PURG: variants seen among roughly 807,000 people sequenced by gnomAD.
PURG encodes the protein purine rich element binding protein G, also known as purine-rich element-binding protein gamma.
PURG carries 3 observed loss-of-function variants against 24.3 expected under a neutral mutation model. The ratio of observed to expected loss-of-function variants is 0.12; its 90% CI spans 0.06 to 0.32. The LOEUF is 0.32. Among genes scored for constraint, PURG ranks in the 10% least tolerant of loss-of-function variants. The pLI, the probability that PURG is intolerant of heterozygous loss-of-function variation, is 1.00. For missense variants in PURG, 371 were observed against 439.1 expected, an observed-to-expected ratio of 0.84 and a Z score of 1.39; for synonymous variants, 180 against 173.1, an observed-to-expected ratio of 1.04 and a Z score of -0.31.
At chr8:31,021,825 G>A (rs564654922) in intron 1 of PURG, among the ~76,000 whole-genome samples, 2 of 152,160 alleles carry the variant, frequency 1.3e-5, no homozygotes, top group South Asian at 4.1e-4. Context: ...GCTATAAGGG[G>A]CCCAGCTATG....
At chr8:31,011,800 G>A (rs1015651375) in intron 1 of PURG, among the ~76,000 whole-genome samples, 1 of 152,060 alleles carries the variant, frequency 6.6e-6, no homozygotes, top group Non-Finnish European at 1.5e-5. Flanking sequence ...CACAGAACCT[G>A]GCAAAAAGTA....
downstream of PURG, among the ~76,000 whole-genome samples, chr8:31,027,189 G>C (rs944153662): frequency 4.0e-5 from 6 of 151,562 alleles, no homozygotes. Context: ...TTTTCAGGCC[G>C]TGATAAATAT....
intron 1 of PURG, among the ~76,000 whole-genome samples, chr8:31,019,460 A>G (rs987306968): frequency 6.7e-6 from 1 of 148,278 alleles, no homozygotes; most frequent in Non-Finnish European, 1.5e-5. Context: ...CAGCCTTCCA[A>G]GTTGCTGGGA....
chr8:31,001,525 G>A (rs2129772417), intron 1 of PURG, among the ~76,000 whole-genome samples: 1 of 152,306 alleles, frequency 6.6e-6, no homozygotes, highest in African/African-American at 2.4e-5. Flanking sequence ...TGTCCATGTT[G>A]TGAGTACCCG....
At chr8:31,004,768 A>G (rs1312973808) in intron 1 of PURG, among the ~76,000 whole-genome samples, 17 of 152,238 alleles carry the variant, frequency 1.1e-4, no homozygotes. Flanking sequence ...GGAAACAGTC[A>G]TAGGTTTACG....
At chr8:31,019,319 C>T in intron 1 of PURG, among the ~76,000 whole-genome samples, 2 of 139,912 alleles carry the variant, frequency 1.4e-5, no homozygotes, top group Admixed American at 7.3e-5. Flanking sequence ...TCAGGTGAAA[C>T]ACCTCTAATT....
intron 1 of PURG, among the ~76,000 whole-genome samples, chr8:30,997,850 A>G (rs1377549417): frequency 6.6e-6 from 1 of 151,764 alleles, no homozygotes; most frequent in African/African-American, 2.4e-5. Flanking sequence ...ATCAAGCACT[A>G]ATTTTCTGAA....
chr8:31,025,774 T>TA (rs1014282940), intron 1 of PURG, among the ~76,000 whole-genome samples: 3 of 151,960 alleles, frequency 2.0e-5, no homozygotes, highest in Non-Finnish European at 4.4e-5. Flanking sequence ...CAGCTTTGTT[T>TA]ATGTTTATAG....
At chr8:31,012,594 CTAACTT>C (rs1231689460) in intron 1 of PURG, among the ~76,000 whole-genome samples, 2 of 152,160 alleles carry the variant, frequency 1.3e-5, no homozygotes, top group East Asian at 1.9e-4. Flanking sequence ...AAAGTAGAAA[CTAACTT>C]TAAGAGAAGT....
At position 31,031,779 on chromosome 8, in the gene PURG, C is replaced by A; in HGVS notation, c.1004G>T (p.Gly335Val). 4 of 1,552,290 alleles carry A rather than the reference C, an allele frequency of 2.6e-6. No homozygotes were observed. Among genetic ancestry groups the A allele is most frequent in the Non-Finnish European group, 3.5e-6 (4 of 1,147,234 alleles). ...TTGTTCTTCACCACTGGCCTTTCTG[C>A]CATCCATTCTCTTTTCTTTATGGCT... ...CNSHKEKRMD[G>V]RKASGEEQEC... The change falls in exon 2 of 2, where the codon GGC (glycine) becomes GTC (valine). Residue 335 changes from glycine to valine, a missense_variant. Coordinates refer to ENST00000523392, the MANE Select transcript of PURG (RefSeq NM_001323311.2).
chr8:31,018,909 C>T (rs541992472), intron 1 of PURG, among the ~76,000 whole-genome samples: 3 of 150,774 alleles, frequency 2.0e-5, no homozygotes, highest in Admixed American at 6.6e-5. Context: ...GGGCGGATCA[C>T]GAGGTCAGGA....
chr8:31,021,438 T>C (rs1411911043), intron 1 of PURG, among the ~76,000 whole-genome samples: 1 of 152,188 alleles, frequency 6.6e-6, no homozygotes, highest in African/African-American at 2.4e-5. Flanking sequence ...AGAGGTTTTA[T>C]CTGTAAACTA....
At chr8:31,016,577 GAACCAAAAAAAAAAAA>G (rs1439699320) in intron 1 of PURG, among the ~76,000 whole-genome samples, 3 of 37,330 alleles carry the variant, frequency 8.0e-5, no homozygotes, top group East Asian at 6.9e-4. Context: ...AGTCTACCAA[GAACCAAAAAAAAAAAA>G]AAAAAAAAAA....
rs760083519 is a variant in PURG, at chr8:31,032,276, A to C, written c.507T>G (p.Ser169Arg). The C allele has an allele frequency of 6.2e-7, 1 of 1,613,780 alleles. No homozygotes were observed. Among genetic ancestry groups the C allele is most frequent in the South Asian group, 1.1e-5 (1 of 91,070 alleles). The stretch of plus-strand genomic sequence containing the variant: ...TCTCGATATAGTCTGTTTTCAGGAC[A>C]CTGTGAGGATGCTCTTCGGACCCCA... ...VSVGSEEHPH[S>R]VLKTDYIERD... Residue 169 changes from serine (S) to arginine (R), a missense_variant, in exon 2 of 2, where the codon AGT becomes AGG. Ser to Arg is a moderately radical substitution (Grantham distance 110). This residue lies in a region of PURG where 213 missense variants were observed against 230.6 expected (regional missense o/e 0.92). Coordinates refer to ENST00000523392, the MANE Select transcript of PURG (RefSeq NM_001323311.2). This position sits in a 1 kb window ranked among gnomAD's most constrained non-coding sequence, Gnocchi z 5.9.
chr8:31,003,887 C>T (rs1188441959), intron 1 of PURG, among the ~76,000 whole-genome samples: 1 of 152,188 alleles, frequency 6.6e-6, no homozygotes, highest in African/African-American at 2.4e-5. Flanking sequence ...CTCCTTATTT[C>T]AGTCTTGAAG....
intron 1 of PURG, among the ~76,000 whole-genome samples, chr8:31,005,872 C>T (rs542513513): frequency 1.3e-5 from 2 of 150,560 alleles, no homozygotes; most frequent in Non-Finnish European, 2.9e-5. Context: ...ATGGAGGACA[C>T]GGGTTTTATA....
chr8:31,020,164 T>C (rs1308722380), intron 1 of PURG, among the ~76,000 whole-genome samples: 1 of 152,152 alleles, frequency 6.6e-6, no homozygotes, highest in Non-Finnish European at 1.5e-5. Flanking sequence ...CTCCATTCTA[T>C]ACGTACAGAG....
At chr8:31,027,895 T>C (rs1811119577), downstream of PURG, among the ~76,000 whole-genome samples, 1 of 151,800 alleles carries the variant, frequency 6.6e-6, no homozygotes, top group Admixed American at 6.6e-5. Context: ...AGATATCATA[T>C]TTGTGTTAGT....
chr8:31,001,261 A>G (rs1465228765), intron 1 of PURG, among the ~76,000 whole-genome samples: 1 of 152,238 alleles, frequency 6.6e-6, no homozygotes, highest in Non-Finnish European at 1.5e-5. Flanking sequence ...TAATAGTCCT[A>G]TATCGTTGAC....
Sources: allele counts gnomAD v4.1 joint callset (sites outside exome capture counted in the v4.1 genomes callset), GRCh38; gene constraint gnomAD v4.1.1; regional missense constraint gnomAD v4.1.1; non-coding constraint Gnocchi (gnomAD v3.1); transcripts MANE v1.5; gene names NCBI Gene and HGNC (gene_info 2026-07-23, HGNC 2026-07-21).